DGKZ: variants seen among roughly 807,000 people sequenced by gnomAD.
DGKZ encodes DAG kinase zeta.
Under a neutral mutation model 142.5 loss-of-function variants are expected in DGKZ, and 45 were observed. The observed-to-expected ratio is 0.32, with a 90% CI of 0.25 to 0.40. The LOEUF (loss-of-function observed/expected upper bound fraction) is 0.40, where lower values mean the gene tolerates loss of function less well. DGKZ is among the 10% of genes least tolerant of loss of function. The pLI, the probability that DGKZ is intolerant of heterozygous loss-of-function variation, is 1.00. For synonymous variants in DGKZ, 442 were observed against 527.0 expected (o/e 0.84, Z 2.21); for missense variants, 755 against 1,306.5 (o/e 0.58, Z 6.51).
upstream of DGKZ, among the ~76,000 whole-genome samples, chr11:46,344,557 G>A (rs1159236986): frequency 5.3e-5 from 8 of 150,716 alleles, no homozygotes; most frequent in Non-Finnish European, 7.4e-5. Context: ...AGGTTCAAGC[G>A]ATTCTCCTGC....
chr11:46,376,556 C>A, exon 24 of DGKZ: 1 of 1,613,644 alleles, frequency 6.2e-7, no homozygotes, highest in South Asian at 1.1e-5. Context: ...CAGGATCGAC[C>A]GAGCCCAGGT....
At chr11:46,370,050 G>T (rs372517812) in intron 6 of DGKZ, 41 bp downstream of exon 6, 25 of 1,611,598 alleles carry the variant, frequency 1.6e-5, no homozygotes, top group Non-Finnish European at 2.1e-5. Flanking sequence ...CTGCACCTGC[G>T]GTCCTGAGCC....
At chr11:46,343,911 C>T (rs1479518299), upstream of DGKZ, among the ~76,000 whole-genome samples, 1 of 152,050 alleles carries the variant, frequency 6.6e-6, no homozygotes, top group African/African-American at 2.4e-5. Context: ...TCACTCTCAT[C>T]ACTCTTCTCC....
At chr11:46,371,998 C>G in intron 9 of DGKZ, 77 bp from the exon 10 acceptor site, 1 of 1,420,606 alleles carries the variant, frequency 7.0e-7, no homozygotes, top group South Asian at 1.2e-5. Flanking sequence ...AACAAAGTCA[C>G]CCAGGGGGCC....
At chr11:46,366,261 A>G (rs1389705792) in intron 1 of DGKZ, 12 of 1,577,154 alleles carry the variant, frequency 7.6e-6, no homozygotes, top group Non-Finnish European at 1.0e-5. Context: ...CCTGCCATGG[A>G]GACTTTCTTT....
At chr11:46,343,300 G>A (rs1490795221), upstream of DGKZ, among the ~76,000 whole-genome samples, 1 of 152,152 alleles carries the variant, frequency 6.6e-6, no homozygotes, top group Non-Finnish European at 1.5e-5. Flanking sequence ...TAATTGCATA[G>A]CATGCATTTA....
intron 1 of DGKZ, among the ~76,000 whole-genome samples, chr11:46,340,982 C>T (rs1273270795): frequency 6.6e-6 from 1 of 152,208 alleles, no homozygotes; most frequent in East Asian, 1.9e-4. Flanking sequence ...AACCCTGTCT[C>T]TACTAAAAAT....
At chr11:46,333,251 G>A (rs1939857073) in exon 1 of DGKZ, 1 of 1,246,674 alleles carries the variant, frequency 8.0e-7, no homozygotes, top group African/African-American at 1.6e-5. Flanking sequence ...GGCCGCAGGA[G>A]CCGCGGGCGG....
intron 1 of DGKZ, chr11:46,366,275 A>T: frequency 6.3e-7 from 1 of 1,581,888 alleles, no homozygotes; most frequent in Non-Finnish European, 8.5e-7. Flanking sequence ...TTTCTTTAGG[A>T]GACATTTCCG....
At chr11:46,378,135 T>C (rs1188564883) in intron 25 of DGKZ, 63 bp from the exon 26 acceptor site, 8 of 1,569,668 alleles carry the variant, frequency 5.1e-6, no homozygotes, top group South Asian at 1.2e-5. Context: ...CCAGTTGGGG[T>C]TGGGGAGGGC....
At chr11:46,379,739 A>AG in intron 30 of DGKZ, 92 bp from the exon 31 acceptor site, 1 of 1,362,690 alleles carries the variant, frequency 7.3e-7, no homozygotes, top group Non-Finnish European at 9.9e-7. Context: ...CTCCCTGACC[A>AG]GGCCACAGGG....
At chr11:46,363,602 G>A (rs1220541066) in intron 1 of DGKZ, among the ~76,000 whole-genome samples, 16 of 152,226 alleles carry the variant, frequency 1.1e-4, no homozygotes, top group Admixed American at 1.0e-3. Flanking sequence ...TGTTGTCAGT[G>A]CAGGTCTGGG....
intron 1 of DGKZ, among the ~76,000 whole-genome samples, chr11:46,348,812 C>T (rs936058259): frequency 1.3e-5 from 2 of 152,176 alleles, no homozygotes; most frequent in South Asian, 2.1e-4. Flanking sequence ...TCTTCCTGAC[C>T]GAGCCTTGCC....
chr11:46,339,549 G>T (rs1940176777), intron 1 of DGKZ, among the ~76,000 whole-genome samples: 1 of 152,228 alleles, frequency 6.6e-6, no homozygotes, highest in Admixed American at 6.5e-5. Flanking sequence ...AGGCCAACGT[G>T]CAGGGATCGG....
In DGKZ at chr11:46,372,236, C is replaced by CAGCT; in HGVS notation, c.927+67_927+70dup. The stretch of plus-strand genomic sequence containing the variant: ...GGTTGGGGTCCAGCCCGTCTGCCAG[C>CAGCT]AGCTGTTCCCAGAGCCCGTTTCTGG... On this transcript the variant is annotated intron_variant, in intron 10 of 30. Coordinates refer to ENST00000527911, the Ensembl canonical transcript of DGKZ. The surrounding 1 kb of genome is among the most constrained non-coding windows in gnomAD (Gnocchi z 5.9). The CAGCT allele has an allele frequency of 6.9e-7, 1 of 1,449,924 alleles. No individual in the cohort carries two copies. Among genetic ancestry groups the CAGCT allele is most frequent in the Non-Finnish European group, 9.4e-7 (1 of 1,067,420 alleles). 89.8% of individuals were successfully genotyped at this position (1,449,924 alleles called of 1,614,324 possible). A position where few individuals can be genotyped will look rare whatever the true frequency, so the allele number is the denominator to read the frequency against.
chr11:46,367,506 G>T lies in DGKZ; in HGVS notation c.270+107G>T, dbSNP rs111873112. 620 of 1,374,934 alleles carry T rather than the reference G, an allele frequency of 4.5e-4. 5 individuals are homozygous for T. The African/African-American group carries it at 7.8e-3, about 17-fold the overall frequency. 85.2% of individuals were successfully genotyped at this position (1,374,934 alleles called of 1,614,324 possible). Reference sequence around the variant, plus strand: ...AGCTGGGAGAGCCAAGCCTGGAAGGGTTGGGACAGTGGGGCAGACGGAACA... The same window carrying T: ...AGCTGGGAGAGCCAAGCCTGGAAGGTTTGGGACAGTGGGGCAGACGGAACA... On this transcript the variant is annotated intron_variant, in intron 2 of 30. Transcript: ENST00000527911. This position sits in a 1 kb window ranked among gnomAD's most constrained non-coding sequence, Gnocchi z 4.1.
chr11:46,334,390 G>A (rs1254400496), intron 1 of DGKZ, among the ~76,000 whole-genome samples: 3 of 152,168 alleles, frequency 2.0e-5, no homozygotes, highest in Non-Finnish European at 2.9e-5. Context: ...TACAGCCATC[G>A]GCCTGGTTGG....
chr11:46,338,370 C>T (rs963961729), intron 1 of DGKZ, among the ~76,000 whole-genome samples: 2 of 151,738 alleles, frequency 1.3e-5, no homozygotes, highest in African/African-American at 4.8e-5. Context: ...ATGGTGGGTG[C>T]CTGTTACCCA....
chr11:46,344,931 C>T (rs1940477101), upstream of DGKZ, among the ~76,000 whole-genome samples: 1 of 152,198 alleles, frequency 6.6e-6, no homozygotes, highest in Admixed American at 6.5e-5. Context: ...AGGACACATG[C>T]TCATGTCTCC....
Sources: allele counts gnomAD v4.1 joint callset (sites outside exome capture counted in the v4.1 genomes callset), GRCh38; gene constraint gnomAD v4.1.1; non-coding constraint Gnocchi (gnomAD v3.1); transcripts MANE v1.5; gene names NCBI Gene and HGNC (gene_info 2026-07-23, HGNC 2026-07-21).